The following TCF7L2 variants were observed in gnomAD, a reference collection of about 807,000 sequenced individuals.
TCF7L2 encodes the protein transcription factor 7 like 2.
In TCF7L2, 23 loss-of-function variants were observed where a neutral mutation model predicts 77.9. That is an observed-to-expected ratio of 0.30 (90% CI 0.21 to 0.42). The LOEUF (loss-of-function observed/expected upper bound fraction) is 0.42, where lower values mean the gene tolerates loss of function less well. Among genes scored for constraint, TCF7L2 ranks in the 10% least tolerant of loss-of-function variants. The probability of loss-of-function intolerance (pLI) is 1.00; values close to 1 mark genes in which losing one functional copy is unlikely to be tolerated. For missense variants in TCF7L2, 654 were observed against 793.1 expected (o/e 0.82, Z 2.11); for synonymous variants, 413 against 340.2 (o/e 1.21, Z -2.36).
At chr10:113,158,878 G>C (rs2072520127) in intron 12 of TCF7L2, among the ~76,000 whole-genome samples, 161 bp downstream of exon 13, 1 of 143,846 alleles carries the variant, frequency 7.0e-6, no homozygotes, top group African/African-American at 2.6e-5. Context: ...TTTTTTTTCA[G>C]TTGCTTCTGT....
intron 5 of TCF7L2, among the ~76,000 whole-genome samples, chr10:113,135,217 G>C (rs2067219225): frequency 6.6e-6 from 1 of 152,204 alleles, no homozygotes; most frequent in African/African-American, 2.4e-5. Context: ...GATGAGGGTG[G>C]CATGGCCAAG....
chr10:113,155,852 A>G (rs1401417439), intron 11 of TCF7L2, among the ~76,000 whole-genome samples: 2 of 152,208 alleles, frequency 1.3e-5, no homozygotes, highest in Non-Finnish European at 2.9e-5. Context: ...TTGCAGGCCC[A>G]TGAGATGCCA....
intron 13 of TCF7L2, among the ~76,000 whole-genome samples, chr10:113,164,887 A>G (rs750878921): frequency 1.4e-4 from 22 of 152,092 alleles, no homozygotes; most frequent in Admixed American, 5.2e-4. Context: ...ACAAGCCCGA[A>G]AGCTCTCTGG....
intron 3 of TCF7L2, among the ~76,000 whole-genome samples, chr10:112,963,911 G>A (rs1470335416): frequency 6.6e-6 from 1 of 152,116 alleles, no homozygotes; most frequent in Non-Finnish European, 1.5e-5. Context: ...GCAGTGTTTG[G>A]CCCTCTCTTT....
intron 5 of TCF7L2, among the ~76,000 whole-genome samples, chr10:113,043,467 C>CCTA (rs2052820684): frequency 6.6e-6 from 1 of 152,170 alleles, no homozygotes; most frequent in South Asian, 2.1e-4. Flanking sequence ...TCCAGTGATT[C>CCTA]CTAATCTGTG....
At chr10:113,011,644 A>T (rs1248535654) in intron 4 of TCF7L2, among the ~76,000 whole-genome samples, 1 of 147,880 alleles carries the variant, frequency 6.8e-6, no homozygotes, top group South Asian at 2.1e-4. Context: ...GTTGAGTATT[A>T]CTACCTTGAG....
At chr10:113,073,633 A>G (rs2058350309) in intron 5 of TCF7L2, among the ~76,000 whole-genome samples, 1 of 149,808 alleles carries the variant, frequency 6.7e-6, no homozygotes, top group African/African-American at 2.5e-5. Context: ...TTGCGGCTGC[A>G]GTGAGCTGTG....
intron 4 of TCF7L2, among the ~76,000 whole-genome samples, chr10:113,013,114 G>GTTT (rs35964949): frequency 1.0e-4 from 11 of 109,904 alleles, no homozygotes; most frequent in South Asian, 6.3e-4. Flanking sequence ...TAAGCAAGTG[G>GTTT]TTTTTTTTTT....
chr10:113,094,329 A>G (rs1258804266), intron 5 of TCF7L2, among the ~76,000 whole-genome samples: 3 of 152,154 alleles, frequency 2.0e-5, no homozygotes, highest in African/African-American at 4.8e-5. Flanking sequence ...ATCACGGTCA[A>G]AGTTTTATTT....
chr10:113,003,949 CAT>C (rs1013080301), intron 4 of TCF7L2, among the ~76,000 whole-genome samples: 1 of 152,206 alleles, frequency 6.6e-6, no homozygotes, highest in Non-Finnish European at 1.5e-5. Flanking sequence ...CCTGGCGAAA[CAT>C]ACACCTTTAG....
At chr10:113,142,139 G>A (rs1435613948) in intron 6 of TCF7L2, among the ~76,000 whole-genome samples, 18 of 152,136 alleles carry the variant, frequency 1.2e-4, no homozygotes, top group Non-Finnish European at 1.2e-4. Flanking sequence ...CAAGTAGCTG[G>A]GACTACAGGC....
At chr10:113,128,805 G>C (rs1000133923) in intron 5 of TCF7L2, among the ~76,000 whole-genome samples, 1 of 152,092 alleles carries the variant, frequency 6.6e-6, no homozygotes, top group Non-Finnish European at 1.5e-5. Context: ...TGTGATGTCT[G>C]AGTGTCTCAA....
At chr10:113,098,059 A>G (rs1367216194) in intron 5 of TCF7L2, among the ~76,000 whole-genome samples, 1 of 150,238 alleles carries the variant, frequency 6.7e-6, no homozygotes, top group Non-Finnish European at 1.5e-5. Context: ...CAAAAAAAAA[A>G]AAAAAAAAAA....
rs1378469552 is a variant in TCF7L2, at chr10:113,166,622, G to T, written c.*650G>T. The T allele has an allele frequency of 1.7e-5, 4 of 230,488 alleles. No individual in the cohort carries two copies. The East Asian group carries it at 2.5e-4, about 14-fold the overall frequency. The allele number at this position is 230,488 out of a possible 1,614,324, so 14.3% of individuals were successfully genotyped here. On this transcript the variant is annotated 3_prime_UTR_variant, in exon 14 of 14. Transcript: ENST00000627217. Reference sequence around the variant, plus strand: ...CTTAATAGAATCACAACGCTGTTGGGCCAGTAGTATTTATTGCTTTAGAGA... The same window carrying T: ...CTTAATAGAATCACAACGCTGTTGGTCCAGTAGTATTTATTGCTTTAGAGA...
intron 5 of TCF7L2, among the ~76,000 whole-genome samples, chr10:113,085,814 C>G (rs779513359): frequency 1.3e-5 from 2 of 152,210 alleles, no homozygotes; most frequent in Non-Finnish European, 2.9e-5. Flanking sequence ...CTCTTGAGGT[C>G]CTCTGTCACA....
At chr10:113,058,350 G>A (rs573954718) in intron 5 of TCF7L2, among the ~76,000 whole-genome samples, 1 of 152,194 alleles carries the variant, frequency 6.6e-6, no homozygotes, top group Non-Finnish European at 1.5e-5. Flanking sequence ...GAGATGAAGA[G>A]GGGGTGGGGA....
At chr10:113,126,566 T>G in intron 5 of TCF7L2, 3 of 985,364 alleles carry the variant, frequency 3.0e-6, no homozygotes, top group Non-Finnish European at 3.6e-6. Flanking sequence ...CCCTGCCTTT[T>G]TTTTTTAAAC....
At chr10:112,978,633 AT>A (rs988727404) in intron 4 of TCF7L2, among the ~76,000 whole-genome samples, 24,688 of 126,764 alleles carry the variant, frequency 0.19, 2,425 homozygotes, top group Middle Eastern at 0.32. Flanking sequence ...CGCCTGGCTA[AT>A]TTTTTTTTTT....
intron 4 of TCF7L2, chr10:112,987,845 G>A: frequency 5.6e-6 from 1 of 178,342 alleles, no homozygotes; most frequent in East Asian, 1.5e-4. Flanking sequence ...GGAGGAAAAA[G>A]CCTGGGATTC....
Sources: gnomAD v4.1 joint callset for allele counts (sites outside exome capture counted in the v4.1 genomes callset) on GRCh38, gnomAD v4.1.1 for gene constraint, MANE v1.5 for transcripts, NCBI Gene and HGNC (gene_info 2026-07-23, HGNC 2026-07-21) for gene names.